THSD7B: variants seen among roughly 807,000 people sequenced by gnomAD.
THSD7B encodes thrombospondin type 1 domain containing 7B, also known as thrombospondin type-1 domain-containing protein 7B.
Under a neutral mutation model 213.6 loss-of-function variants are expected in THSD7B, and 138 were observed. The ratio of observed to expected loss-of-function variants is 0.65; its 90% confidence interval spans 0.56 to 0.74. The LOEUF is 0.74. Ranked by LOEUF, THSD7B falls within the 30% of genes least tolerant of loss-of-function variation. The pLI, the probability that THSD7B is intolerant of heterozygous loss-of-function variation, is 0.00. For synonymous variants in THSD7B, 742 were observed against 687.0 expected, an observed-to-expected ratio of 1.08 and a Z score of -1.25; for missense variants, 1,931 against 1,991.5, an observed-to-expected ratio of 0.97 and a Z score of 0.58.
At chr2:137,181,444 T>G (rs1326574319) in intron 7 of THSD7B, among the ~76,000 whole-genome samples, 1 of 152,184 alleles carries the variant, frequency 6.6e-6, no homozygotes, top group Non-Finnish European at 1.5e-5. Flanking sequence ...AGGTAGTTAT[T>G]TCTGTGTTGT....
chr2:137,328,544 C>T (rs546181450), intron 12 of THSD7B, among the ~76,000 whole-genome samples: 65 of 152,258 alleles, frequency 4.3e-4, no homozygotes, highest in African/African-American at 8.7e-4. Context: ...GTAGCAGTTA[C>T]GCTTCTTCCT....
At chr2:137,093,088 G>A (rs768361174) in intron 3 of THSD7B, among the ~76,000 whole-genome samples, 16 of 152,134 alleles carry the variant, frequency 1.1e-4, no homozygotes, top group Non-Finnish European at 1.8e-4. Flanking sequence ...ATAGAGGAAC[G>A]AATAACAAGG....
intron 17 of THSD7B, among the ~76,000 whole-genome samples, chr2:137,607,252 G>A (rs373664426): frequency 4.6e-4 from 70 of 152,134 alleles, no homozygotes; most frequent in African/African-American, 1.5e-3. Flanking sequence ...CAATTATTAA[G>A]TTTACCACAT....
At chr2:136,808,251 TAC>T (rs1682321228) in intron 1 of THSD7B, among the ~76,000 whole-genome samples, 1 of 152,206 alleles carries the variant, frequency 6.6e-6, no homozygotes, top group African/African-American at 2.4e-5. Context: ...TTTTAAGTCT[TAC>T]AGTTTCCAGT....
At chr2:137,547,409 A>G (rs1680762991) in intron 15 of THSD7B, among the ~76,000 whole-genome samples, 1 of 151,916 alleles carries the variant, frequency 6.6e-6, no homozygotes, top group East Asian at 1.9e-4. Context: ...TTCTTCATAC[A>G]TTTATACTTT....
chr2:136,869,091 T>C (rs1262898000), intron 1 of THSD7B, among the ~76,000 whole-genome samples: 1 of 152,188 alleles, frequency 6.6e-6, no homozygotes, highest in Non-Finnish European at 1.5e-5. Flanking sequence ...CCTTTTTTTA[T>C]AATTTGTAAA....
intron 15 of THSD7B, among the ~76,000 whole-genome samples, chr2:137,459,152 G>A (rs1431620537): frequency 6.6e-6 from 1 of 151,532 alleles, no homozygotes; most frequent in Non-Finnish European, 1.5e-5. Context: ...TGGGAGTACA[G>A]TATCTTTTAA....
intron 17 of THSD7B, among the ~76,000 whole-genome samples, chr2:137,601,916 T>A (rs752546613): frequency 1.2e-4 from 19 of 152,188 alleles, no homozygotes; most frequent in Non-Finnish European, 1.9e-4. Flanking sequence ...TGGTCATAAC[T>A]GTAGCAAACT....
chr2:136,925,621 G>T (rs1684510400), intron 2 of THSD7B, among the ~76,000 whole-genome samples: 2 of 152,150 alleles, frequency 1.3e-5, no homozygotes, highest in Admixed American at 1.3e-4. Flanking sequence ...AAGGATATTG[G>T]TCTATAGTTT....
intron 9 of THSD7B, among the ~76,000 whole-genome samples, chr2:137,238,594 CGG>C (rs1681826865): frequency 8.1e-6 from 1 of 122,726 alleles, no homozygotes; most frequent in African/African-American, 3.1e-5. Flanking sequence ...TCGCCCAGGC[CGG>C]ACTGCGGACT....
At chr2:137,199,054 G>T (rs12998376) in intron 7 of THSD7B, among the ~76,000 whole-genome samples, 16,272 of 152,122 alleles carry the variant, frequency 0.11, 1,274 homozygotes, top group African/African-American at 0.22. Flanking sequence ...GAACCGCACG[G>T]CACTCCTAGT....
chr2:137,207,122 A>T (rs1295533931), intron 7 of THSD7B, among the ~76,000 whole-genome samples: 1 of 152,020 alleles, frequency 6.6e-6, no homozygotes, highest in African/African-American at 2.4e-5. Flanking sequence ...GCAAGATGTA[A>T]AAGTGAAGAG....
chr2:137,149,298 G>A (rs180850725), intron 5 of THSD7B, among the ~76,000 whole-genome samples: 1 of 152,320 alleles, frequency 6.6e-6, no homozygotes, highest in Non-Finnish European at 1.5e-5. Flanking sequence ...TTCTGCAGGG[G>A]TGAAACCCTC....
chr2:137,293,149 T>A (rs1231851831), intron 12 of THSD7B, among the ~76,000 whole-genome samples: 2 of 152,040 alleles, frequency 1.3e-5, no homozygotes, highest in Non-Finnish European at 2.9e-5. Flanking sequence ...ATAGTCTTTT[T>A]TTTTTTCTTT....
At chr2:137,384,774 A>G (rs1685855337) in intron 12 of THSD7B, among the ~76,000 whole-genome samples, 1 of 152,044 alleles carries the variant, frequency 6.6e-6, no homozygotes, top group African/African-American at 2.4e-5. Context: ...AGTCTCCAGA[A>G]GTTTCCCCAT....
At chr2:137,248,821 C>T (rs780363248) in intron 10 of THSD7B, among the ~76,000 whole-genome samples, 9 of 152,162 alleles carry the variant, frequency 5.9e-5, no homozygotes, top group Non-Finnish European at 7.4e-5. Flanking sequence ...TTGAGATTGA[C>T]GTTACCTAAA....
chr2:137,440,400 C>T (rs997158301), intron 14 of THSD7B, among the ~76,000 whole-genome samples: 7 of 151,768 alleles, frequency 4.6e-5, no homozygotes, highest in Admixed American at 2.0e-4. Context: ...GTAGGGTGAG[C>T]CTGGAGAGGT....
chr2:137,152,796 C>A (rs980952557), intron 5 of THSD7B, among the ~76,000 whole-genome samples: 1 of 152,036 alleles, frequency 6.6e-6, no homozygotes, highest in African/African-American at 2.4e-5. Context: ...TTTGAAAGCT[C>A]CCCTTCCCTC....
At chr2:137,627,345 C>A (rs539102855) in intron 20 of THSD7B, among the ~76,000 whole-genome samples, 1 of 152,286 alleles carries the variant, frequency 6.6e-6, no homozygotes, top group Non-Finnish European at 1.5e-5. Context: ...GGGCACAAAC[C>A]ACATCCAAAC....
Sources: gnomAD v4.1 joint callset for allele counts (sites outside exome capture counted in the v4.1 genomes callset) on GRCh38, gnomAD v4.1.1 for gene constraint, MANE v1.5 for transcripts, NCBI Gene and HGNC (gene_info 2026-07-23, HGNC 2026-07-21) for gene names.